TRIM69: variants seen among roughly 807,000 people sequenced by gnomAD.
TRIM69 encodes tripartite motif containing 69.
TRIM69 carries 29 observed loss-of-function variants against 37.7 expected under a neutral mutation model. The ratio of observed to expected loss-of-function variants is 0.77; its 90% confidence interval spans 0.57 to 1.05. The LOEUF (loss-of-function observed/expected upper bound fraction) is 1.05, where lower values mean the gene tolerates loss of function less well. Ranked by LOEUF, TRIM69 falls within the 50% of genes least tolerant of loss-of-function variation. TRIM69 has a pLI of 0.00. For synonymous variants in TRIM69, 209 were observed against 212.4 expected, an observed-to-expected ratio of 0.98 and a Z score of 0.14; for missense variants, 596 against 579.9, an observed-to-expected ratio of 1.03 and a Z score of -0.28.
chr15:44,744,090 A>T (rs2087350151), intron 1 of TRIM69, among the ~76,000 whole-genome samples: 2 of 151,940 alleles, frequency 1.3e-5, no homozygotes, highest in Admixed American at 1.3e-4. Flanking sequence ...GATTACGAAA[A>T]TGTGGCACAT....
chr15:44,758,580 G>A (rs1308805943), intron 3 of TRIM69, 41 bp from the exon 4 acceptor site: 7 of 1,609,548 alleles, frequency 4.3e-6, no homozygotes, highest in Non-Finnish European at 5.9e-6. Flanking sequence ...CCAAGCACTA[G>A]TCTCTGCAAT....
chr15:44,760,112 T>C, intron 6 of TRIM69, among the ~76,000 whole-genome samples: 1 of 152,198 alleles, frequency 6.6e-6, no homozygotes. Flanking sequence ...AGCATATGAT[T>C]TTGACTGATT....
intron 3 of TRIM69, 57 bp downstream of exon 3, chr15:44,756,520 C>A (rs2087652211): frequency 5.0e-6 from 6 of 1,195,138 alleles, no homozygotes; most frequent in East Asian, 5.1e-5. Context: ...CTCCATGTAA[C>A]TTCAGCTATG....
In TRIM69 at chr15:44,749,955, G is replaced by A. The variant is rs546788704; in HGVS notation, c.7-4945G>A. 4.6e-5 allele frequency among the ~76,000 whole-genome samples: 7 copies of A among 152,242 alleles called. No homozygotes were observed. The South Asian group carries it at 8.3e-4, about 18-fold the overall frequency. On this transcript the variant is annotated intron_variant, in intron 1 of 6. Coordinates refer to ENST00000329464, the MANE Select transcript of TRIM69 (RefSeq NM_182985.5). ...TGAAGTGGTATTTCACTGTGGCTTC[G>A]ATTTGAATTTTCCTAATGACTAGTA...
chr15:44,741,524 A>G (rs566525919), intron 1 of TRIM69, among the ~76,000 whole-genome samples: 9 of 152,372 alleles, frequency 5.9e-5, no homozygotes, highest in Middle Eastern at 3.4e-3. Flanking sequence ...TAATGAATCC[A>G]GGAGCTGGTT....
At chr15:44,736,757 G>C (rs756859952) in intron 1 of TRIM69, 47 bp downstream of exon 1, 2 of 1,600,920 alleles carry the variant, frequency 1.2e-6, no homozygotes, top group Non-Finnish European at 8.5e-7. Flanking sequence ...TCTAGGAATA[G>C]TGTGGAAAAC....
At chr15:44,759,951 TTAAG>T (rs2087741427) in intron 6 of TRIM69, 79 bp downstream of exon 6, 1 of 1,527,192 alleles carries the variant, frequency 6.5e-7, no homozygotes, top group African/African-American at 1.4e-5. Context: ...GTGGCCCTAA[TTAAG>T]TTTTTACAGT....
At chr15:44,765,961 T>G (rs2087879366) in intron 6 of TRIM69, among the ~76,000 whole-genome samples, 1 of 152,218 alleles carries the variant, frequency 6.6e-6, no homozygotes, top group African/African-American at 2.4e-5. Context: ...CTGGAATTTG[T>G]GTCATCCTCT....
intron 1 of TRIM69, among the ~76,000 whole-genome samples, chr15:44,749,521 A>G (rs906660091): frequency 1.3e-5 from 2 of 152,106 alleles, no homozygotes; most frequent in African/African-American, 4.8e-5. Context: ...CACTTAGCAT[A>G]ATGTTTTTGA....
intron 6 of TRIM69, among the ~76,000 whole-genome samples, chr15:44,760,756 T>A (rs2087757345): frequency 6.6e-6 from 1 of 152,104 alleles, no homozygotes. Flanking sequence ...CTCCAAAAAG[T>A]TCCTACATGC....
Position 44,758,665 on chromosome 15 carries a change from A to G in TRIM69, c.624A>G (p.Leu208=). 6.2e-7 allele frequency: 1 copy of G among 1,614,158 alleles called. No individual in the cohort carries two copies. The highest frequency in any genetic ancestry group is 8.5e-7 in the Non-Finnish European group (1 of 1,180,006). Residue 208 remains leucine, a synonymous_variant, in exon 4 of 7, where the codon CTA becomes CTG. Transcript: ENST00000329464. ...HLQQHVSMEF[L]KLHQFLHSKE... ...AGCAACATGTGTCCATGGAGTTTCT[A>G]AAGCTGCATCAGTTCCTGCACAGCA...
In TRIM69 at chr15:44,741,301, G is replaced by A. The variant is rs1346598337; in HGVS notation, c.6+4591G>A. 2.0e-5 allele frequency among the ~76,000 whole-genome samples: 3 copies of A among 152,092 alleles called. No individual in the cohort carries two copies. The East Asian group carries it at 5.8e-4, about 29-fold the overall frequency. On this transcript the variant is annotated intron_variant, in intron 1 of 6. Coordinates refer to ENST00000329464, the MANE Select transcript of TRIM69 (RefSeq NM_182985.5). ...AAGACACAACATACCAGAATCTCTG[G>A]GACACATTCAAAGCAGTGTGTAGAG...
rs756081189 is a variant in TRIM69 at position 44,767,406 on chromosome 15, C to T, written c.1137C>T (p.Tyr379=). 6.2e-7 allele frequency: 1 copy of T among 1,614,078 alleles called. No homozygotes were observed. The highest frequency in any genetic ancestry group is 8.5e-7 in the Non-Finnish European group (1 of 1,180,012). ...GAGGCTTCACCTCTGGAAAGTGGTACTGGGAAGTAGAAGTAGCAAAGAAGA... is the reference window on the plus strand; with the variant it reads ...GAGGCTTCACCTCTGGAAAGTGGTATTGGGAAGTAGAAGTAGCAAAGAAGA... ...GSRGFTSGKW[Y]WEVEVAKKTK... The change falls in exon 7 of 7, where the codon TAC becomes TAT. Residue 379 remains tyrosine (Y), a synonymous_variant. Coordinates refer to ENST00000329464, the MANE Select transcript of TRIM69 (RefSeq NM_182985.5).
In TRIM69 at chr15:44,767,796, C is replaced by T; in HGVS notation, c.*24C>T. The T allele has an allele frequency of 6.4e-7, 1 of 1,573,892 alleles. No homozygotes were observed. Among genetic ancestry groups the T allele is most frequent in the Non-Finnish European group, 8.6e-7 (1 of 1,161,214 alleles). ...AATGAGTCATAATATTATACAAATT[C>T]AGAGTGTTATTAAAGAGGTATTGAA... On this transcript the variant is annotated 3_prime_UTR_variant, in exon 7 of 7. Transcript: ENST00000329464.
chr15:44,743,956 G>A (rs919249893), intron 1 of TRIM69, among the ~76,000 whole-genome samples: 3 of 152,112 alleles, frequency 2.0e-5, no homozygotes, highest in East Asian at 1.9e-4. Context: ...CCATTACAGG[G>A]TATATACCCA....
rs772815344 is a variant in TRIM69, at chr15:44,759,774, C to T, written c.863C>T (p.Ala288Val). Residue 288 changes from alanine to valine, a missense_variant, in exon 6 of 7, where the codon GCA becomes GTA. By Grantham distance (64) the Ala-to-Val change is moderately conservative. Coordinates refer to ENST00000329464, the MANE Select transcript of TRIM69 (RefSeq NM_182985.5). ...HSLEQGMKVL[A>V]TRELISRKLN... ...TTGGAGCAAGGAATGAAGGTGCTGG[C>T]AACCAGAGAGCTTATTTCCAGAAAG... 19 of 1,614,030 alleles carry T rather than the reference C, an allele frequency of 1.2e-5. No individual in the cohort carries two copies. In the African/African-American group the frequency reaches 2.5e-4, roughly 22 times the overall value.
intron 1 of TRIM69, among the ~76,000 whole-genome samples, chr15:44,739,886 C>T (rs1165186341): frequency 2.0e-5 from 3 of 151,360 alleles, no homozygotes; most frequent in Non-Finnish European, 4.4e-5. Context: ...AGTGGTTCTC[C>T]CAGCACGCAG....
At chr15:44,736,755 T>C (rs374660357) in intron 1 of TRIM69, 45 bp downstream of exon 1, 8 of 1,599,296 alleles carry the variant, frequency 5.0e-6, no homozygotes, top group African/African-American at 4.1e-5. Context: ...CTTCTAGGAA[T>C]AGTGTGGAAA....
intron 1 of TRIM69, among the ~76,000 whole-genome samples, chr15:44,745,941 G>C (rs1255750368): frequency 2.0e-5 from 3 of 152,138 alleles, no homozygotes; most frequent in Non-Finnish European, 4.4e-5. Flanking sequence ...CCAGAAGAGA[G>C]GAGAGAAGGG....
Sources: allele counts gnomAD v4.1 joint callset (sites outside exome capture counted in the v4.1 genomes callset), GRCh38; gene constraint gnomAD v4.1.1; transcripts MANE v1.5; gene names NCBI Gene and HGNC (gene_info 2026-07-23, HGNC 2026-07-21).